DMGDH: variants seen among roughly 807,000 people sequenced by gnomAD.
The protein encoded by DMGDH is dimethylglycine dehydrogenase, mitochondrial.
Under a neutral mutation model 95.2 loss-of-function variants are expected in DMGDH, and 76 were observed. The observed-to-expected ratio is 0.80, with a 90% confidence interval of 0.66 to 0.97. The LOEUF (loss-of-function observed/expected upper bound fraction) is 0.97. Ranked by LOEUF, DMGDH falls within the 50% of genes least tolerant of loss-of-function variation. The pLI is 0.00. For missense variants in DMGDH, 987 were observed against 1,055.0 expected (o/e 0.94, Z 0.89); for synonymous variants, 345 against 377.6 (o/e 0.91, Z 1.00).
intron 4 of DMGDH, 49 bp from the exon 5 acceptor site, chr5:79,051,540 A>T (rs1754862803): frequency 6.6e-7 from 1 of 1,511,664 alleles, no homozygotes; most frequent in Non-Finnish European, 9.1e-7. Flanking sequence ...TATACTTATT[A>T]CTCAGTAAAA....
chr5:79,022,956 G>C (rs1317926638), intron 14 of DMGDH, among the ~76,000 whole-genome samples: 1 of 152,114 alleles, frequency 6.6e-6, no homozygotes, highest in East Asian at 1.9e-4. Flanking sequence ...CTGCTGCTAG[G>C]GTCTGCCCAA....
In DMGDH at chr5:79,063,676, T is replaced by C. The variant is rs777644267; in HGVS notation, c.213A>G (p.Ala71=). 7.4e-6 allele frequency: 12 copies of C among 1,614,104 alleles called. No individual in the cohort carries two copies. Among genetic ancestry groups the C allele is most frequent in the Non-Finnish European group, 1.0e-5 (12 of 1,180,048 alleles). The change falls in exon 2 of 16, where the codon GCA becomes GCG. Residue 71 remains alanine (A), a synonymous_variant. Transcript: ENST00000255189. ...GVSLAYHLAK[A]GMKDVVLLEK... ...CCAGCAGGACCACATCTTTCATCCC[T>C]GCTTTGGCCAGGTGATAAGCCAGAC...
At chr5:79,005,827 C>G (rs963967057) in intron 14 of DMGDH, among the ~76,000 whole-genome samples, 1 of 152,220 alleles carries the variant, frequency 6.6e-6, no homozygotes, top group African/African-American at 2.4e-5. Flanking sequence ...AAACATGGTG[C>G]TAAAACAAAC....
intron 15 of DMGDH, chr5:79,000,059 C>A: frequency 2.9e-6 from 1 of 342,312 alleles, no homozygotes; most frequent in Non-Finnish European, 5.7e-6. Context: ...CAGCCCATAA[C>A]TGCAAGTGGA....
rs925897230 is a variant in DMGDH at position 79,069,570 on chromosome 5, G to A, written c.51C>T (p.Cys17=). The stretch of plus-strand genomic sequence containing the variant: ...GGCGCCCGGGGGAGCCCTGCAGCGG[G>A]CAGCTCCGCAGCAGGAGGCCCCGCA... ...QLLRGLLLRS[C]PLQGSPGRPR... Residue 17 remains cysteine (C), a synonymous_variant, in exon 1 of 16, where the codon TGC becomes TGT. Coordinates refer to ENST00000255189, the MANE Select transcript of DMGDH (RefSeq NM_013391.3). 32 of 1,348,068 alleles carry A rather than the reference G, an allele frequency of 2.4e-5. No homozygotes were observed. The highest frequency in any genetic ancestry group is 2.9e-5 in the Non-Finnish European group (31 of 1,050,972). The allele number at this position is 1,348,068 out of a possible 1,614,324, so 83.5% of individuals were successfully genotyped here.
chr5:79,050,273 A>AAAAAAAAATATATATAT (rs1554037270), intron 5 of DMGDH, among the ~76,000 whole-genome samples: 2 of 20,910 alleles, frequency 9.6e-5, no homozygotes, highest in African/African-American at 3.1e-4. Context: ...AAAAAAAAAA[A>AAAAAAAAATATATATAT]ATATATATAT....
chr5:79,033,384 C>A lies in DMGDH; in HGVS notation c.1218G>T (p.Gly406=). ...TCCAGTCACTGAGATATTTCCCTAC[C>A]CCACCAGCGTGGATTATGCCATATC... ...GFGYGIIHAG[G]VGKYLSDWIL... The change falls in exon 8 of 16, where the codon GGG becomes GGT. Residue 406 remains glycine (G), a synonymous_variant. Transcript: ENST00000255189. 6.2e-7 allele frequency: 1 copy of A among 1,614,094 alleles called. No individual in the cohort carries two copies. Among genetic ancestry groups the A allele is most frequent in the South Asian group, 1.1e-5 (1 of 91,074 alleles).
At chr5:78,999,138 A>T (rs530658361) in intron 15 of DMGDH, among the ~76,000 whole-genome samples, 120 of 152,338 alleles carry the variant, frequency 7.9e-4, no homozygotes, top group African/African-American at 2.7e-3. Flanking sequence ...CATGGATGGA[A>T]ATCAGCCTGG....
chr5:79,040,505 C>T (rs1468960348), intron 7 of DMGDH, among the ~76,000 whole-genome samples: 2 of 152,154 alleles, frequency 1.3e-5, no homozygotes, highest in African/African-American at 4.8e-5. Flanking sequence ...CTATAAAACT[C>T]TTAGAAGAAA....
intron 1 of DMGDH, among the ~76,000 whole-genome samples, chr5:79,068,471 G>A (rs943018039): frequency 6.6e-6 from 1 of 152,142 alleles, no homozygotes; most frequent in Admixed American, 6.5e-5. Flanking sequence ...AGAAGTGTAA[G>A]GTCACATTCT....
Position 79,026,581 on chromosome 5 carries a change from C to G in DMGDH, c.2033G>C (p.Gly678Ala). Residue 678 changes from glycine to alanine, a missense_variant and splice_region_variant, in exon 13 of 16, where the codon GGT becomes GCT. Physicochemically the swap from Gly to Ala is moderately conservative, Grantham distance 60 (BLOSUM62 0). Coordinates refer to ENST00000255189, the MANE Select transcript of DMGDH (RefSeq NM_013391.3). Reference protein sequence around the residue: ...PVTAIRISYTGELGWELYHRR... With the variant: ...PVTAIRISYTAELGWELYHRR... ...GTGATACAGCTCCCAACCCAGCTCA[C>G]CTGAAATAAACCCACAGGTGCCACA... 1 of 1,614,086 alleles carries G rather than the reference C, an allele frequency of 6.2e-7. No individual in the cohort carries two copies. The highest frequency in any genetic ancestry group is 8.5e-7 in the Non-Finnish European group (1 of 1,179,994).
At chr5:79,035,229 CTT>C (rs1360632063) in intron 7 of DMGDH, among the ~76,000 whole-genome samples, 2 of 152,064 alleles carry the variant, frequency 1.3e-5, no homozygotes, top group Non-Finnish European at 2.9e-5. Context: ...GTTTATTAAA[CTT>C]AGCACATTCA....
chr5:78,998,134 G>T lies in DMGDH; in HGVS notation c.2549C>A (p.Thr850Asn), dbSNP rs747869703. The T allele has an allele frequency of 6.2e-7, 1 of 1,614,158 alleles. No homozygotes were observed. The highest frequency in any genetic ancestry group is 1.7e-5 in the Admixed American group (1 of 60,012). ...CTGAAGCCGGTTTCTGGTTGGTTCGGTCAATACCAAAGGTTCTTGTATGAT... is the reference window on the plus strand; with the variant it reads ...CTGAAGCCGGTTTCTGGTTGGTTCGTTCAATACCAAAGGTTCTTGTATGAT... ...AVIIQEPLVL[T>N]EPTRNRLQKK... The change falls in exon 16 of 16, where the codon ACC (threonine) becomes AAC (asparagine). Residue 850 changes from threonine (T) to asparagine (N), a missense_variant. Transcript: ENST00000255189.
rs1363648999 is a variant in DMGDH, at chr5:79,032,854, A to C, written c.1364-14T>G. The C allele has an allele frequency of 6.2e-7, 1 of 1,614,026 alleles. No homozygotes were observed. The highest frequency in any genetic ancestry group is 8.5e-7 in the Non-Finnish European group (1 of 1,180,020). ...TAGGATAACCAACTGAAAAGGAAAA[A>C]TTGGTACTTTAAATCACATATAGCC... On this transcript the variant is annotated splice_polypyrimidine_tract_variant and intron_variant, in intron 8 of 15. Coordinates refer to ENST00000255189, the MANE Select transcript of DMGDH (RefSeq NM_013391.3).
intron 7 of DMGDH, among the ~76,000 whole-genome samples, chr5:79,033,790 G>A (rs563490281): frequency 1.3e-5 from 2 of 152,186 alleles, no homozygotes; most frequent in South Asian, 2.1e-4. Flanking sequence ...AAATTATCTC[G>A]GCATGGTGGC....
intron 6 of DMGDH, among the ~76,000 whole-genome samples, 181 bp downstream of exon 6, chr5:79,044,123 C>T (rs777920809): frequency 5.3e-5 from 8 of 152,200 alleles, no homozygotes; most frequent in Middle Eastern, 3.2e-3. Context: ...CCCCTACTCC[C>T]TGCTGTGATT....
intron 5 of DMGDH, among the ~76,000 whole-genome samples, chr5:79,046,846 C>T (rs1446211169): frequency 1.3e-5 from 2 of 152,060 alleles, no homozygotes; most frequent in African/African-American, 2.4e-5. Context: ...ATAGTATCCC[C>T]AATATATTTG....
chr5:79,064,160 C>T (rs921083920), intron 1 of DMGDH, among the ~76,000 whole-genome samples: 14 of 152,036 alleles, frequency 9.2e-5, no homozygotes, highest in African/African-American at 2.9e-4. Flanking sequence ...CAAGACAACC[C>T]TGGGCAACAT....
At chr5:78,999,996 G>C (rs187784320) in intron 15 of DMGDH, 1 of 252,758 alleles carries the variant, frequency 4.0e-6, no homozygotes, top group Admixed American at 4.7e-5. Context: ...ATTTGCAACA[G>C]AAATGGAGGC....
Sources: allele counts gnomAD v4.1 joint callset (sites outside exome capture counted in the v4.1 genomes callset), GRCh38; gene constraint gnomAD v4.1.1; transcripts MANE v1.5; gene names NCBI Gene and HGNC (gene_info 2026-07-23, HGNC 2026-07-21).